Variants in TRDN observed in about 807,000 individuals in gnomAD.
TRDN encodes triadin.
In TRDN, 161 loss-of-function variants were observed where a neutral mutation model predicts 149.7. The observed-to-expected ratio is 1.08, with a 90% confidence interval of 0.95 to 1.23. The LOEUF (loss-of-function observed/expected upper bound fraction) is 1.23, where lower values mean the gene tolerates loss of function less well. Ranked by LOEUF, TRDN falls within the 50% of genes most tolerant of loss-of-function variation. The probability of loss-of-function intolerance (pLI) is 0.00; values close to 1 mark genes in which losing one functional copy is unlikely to be tolerated. For synonymous variants in TRDN, 294 were observed against 250.5 expected (o/e 1.17, Z -1.64); for missense variants, 896 against 823.5 (o/e 1.09, Z -1.08).
chr6:123,523,004 G>C (rs140215331), intron 5 of TRDN, among the ~76,000 whole-genome samples: 160 of 152,166 alleles, frequency 1.1e-3, no homozygotes, highest in African/African-American at 3.7e-3. Context: ...GACAAACATA[G>C]TTCCCTCCCT....
At chr6:123,561,740 CA>C (rs769552394) in intron 2 of TRDN, among the ~76,000 whole-genome samples, 8 of 152,032 alleles carry the variant, frequency 5.3e-5, no homozygotes, top group Non-Finnish European at 8.8e-5. Flanking sequence ...CTAACAACCC[CA>C]CAATATCACC....
At chr6:123,224,235 C>A in intron 38 of TRDN, 104 bp from the exon 39 acceptor site, 5 of 1,090,460 alleles carry the variant, frequency 4.6e-6, no homozygotes, top group Non-Finnish European at 6.8e-6. Flanking sequence ...ATCCCTGAAT[C>A]TACAAACTCA....
intron 24 of TRDN, among the ~76,000 whole-genome samples, chr6:123,279,725 T>TA (rs1777516880): frequency 6.6e-6 from 1 of 152,128 alleles, no homozygotes; most frequent in African/African-American, 2.4e-5. Flanking sequence ...TTTCCAAGAC[T>TA]AATGAACATA....
chr6:123,308,828 C>T (rs1393344686), intron 24 of TRDN, among the ~76,000 whole-genome samples: 1 of 151,974 alleles, frequency 6.6e-6, no homozygotes, highest in East Asian at 1.9e-4. Context: ...CTGTTTAAAG[C>T]ACAAGTACTC....
chr6:123,286,348 A>G (rs1273206966), intron 24 of TRDN, among the ~76,000 whole-genome samples: 1 of 152,112 alleles, frequency 6.6e-6, no homozygotes, highest in East Asian at 1.9e-4. Context: ...ACTCAGACAT[A>G]AAAAGGAACG....
At chr6:123,307,633 T>C (rs1778661362) in intron 24 of TRDN, among the ~76,000 whole-genome samples, 1 of 151,996 alleles carries the variant, frequency 6.6e-6, no homozygotes, top group South Asian at 2.1e-4. Flanking sequence ...TGGTAATATG[T>C]ATTGGCTTTG....
chr6:123,364,923 C>T (rs1328822162), intron 20 of TRDN, among the ~76,000 whole-genome samples: 1 of 152,096 alleles, frequency 6.6e-6, no homozygotes, highest in Non-Finnish European at 1.5e-5. Context: ...CAAGTTTAAC[C>T]CACATTTCAC....
intron 1 of TRDN, among the ~76,000 whole-genome samples, chr6:123,617,344 A>G (rs931933161): frequency 3.3e-5 from 5 of 152,222 alleles, no homozygotes; most frequent in African/African-American, 4.8e-5. Flanking sequence ...CATTGATTAT[A>G]GAACAAGTCA....
At chr6:123,434,351 G>T (rs934473159) in intron 12 of TRDN, among the ~76,000 whole-genome samples, 1 of 152,140 alleles carries the variant, frequency 6.6e-6, no homozygotes, top group African/African-American at 2.4e-5. Context: ...CCACCAGACT[G>T]AAAGCAGAAA....
chr6:123,472,323 CA>C (rs1777204742), intron 9 of TRDN, among the ~76,000 whole-genome samples: 1 of 152,208 alleles, frequency 6.6e-6, no homozygotes, highest in Non-Finnish European at 1.5e-5. Flanking sequence ...GGGTGACGGA[CA>C]GCACCTGGAA....
intron 9 of TRDN, among the ~76,000 whole-genome samples, chr6:123,495,468 G>A (rs946369772): frequency 3.3e-5 from 5 of 151,276 alleles, no homozygotes; most frequent in African/African-American, 9.7e-5. Context: ...GCAGTGAGCC[G>A]AGATCACACC....
chr6:123,320,306 A>T (rs2873534), intron 23 of TRDN, among the ~76,000 whole-genome samples: 70,252 of 151,322 alleles, frequency 0.46, 18,480 homozygotes, highest in Non-Finnish European at 0.6. Context: ...TATTTTATTG[A>T]TATAATATTA....
intron 12 of TRDN, among the ~76,000 whole-genome samples, chr6:123,417,339 C>CAAATT (rs1491459822): frequency 3.3e-5 from 5 of 152,148 alleles, no homozygotes; most frequent in African/African-American, 1.2e-4. Flanking sequence ...TTACCAAAAT[C>CAAATT]ACAGAGTGCA....
At chr6:123,246,784 A>G (rs1776197398) in intron 38 of TRDN, among the ~76,000 whole-genome samples, 1 of 125,672 alleles carries the variant, frequency 8.0e-6, no homozygotes. Flanking sequence ...TGGCAGAGAC[A>G]TAACAGAAAA....
intron 23 of TRDN, among the ~76,000 whole-genome samples, chr6:123,319,296 A>G (rs1480926289): frequency 1.3e-5 from 2 of 151,940 alleles, no homozygotes; most frequent in African/African-American, 4.8e-5. Context: ...GAAAGTGGCA[A>G]CGGATTTTCT....
chr6:123,343,321 CAAT>C (rs1780132319), intron 21 of TRDN, among the ~76,000 whole-genome samples: 1 of 151,796 alleles, frequency 6.6e-6, no homozygotes, highest in Admixed American at 6.6e-5. Flanking sequence ...ATTTCTATAA[CAAT>C]GTTATTCATT....
chr6:123,522,614 C>T (rs1226193688), intron 5 of TRDN, among the ~76,000 whole-genome samples: 1 of 140,050 alleles, frequency 7.1e-6, no homozygotes, highest in African/African-American at 2.6e-5. Flanking sequence ...TTTCAGATTA[C>T]ATATTACAGA....
chr6:123,255,917 C>T lies in TRDN; in HGVS notation c.1871-15G>A, dbSNP rs59935057. The T allele has an allele frequency of 3.2e-3, 4,054 of 1,264,438 alleles. 106 individuals are homozygous for T. The East Asian group carries it at 0.071, about 22-fold the overall frequency. 78.3% of individuals were successfully genotyped at this position (1,264,438 alleles called of 1,614,324 possible). Reference sequence around the variant, plus strand: ...GTCTGCTTTTTCTGTATAGAAGAAACAGTAACAGGGTAATTTATTTTTTTA... The same window carrying T: ...GTCTGCTTTTTCTGTATAGAAGAAATAGTAACAGGGTAATTTATTTTTTTA... On this transcript the variant is annotated splice_polypyrimidine_tract_variant and intron_variant, in intron 35 of 40. Coordinates refer to ENST00000334268, the MANE Select transcript of TRDN (RefSeq NM_006073.4).
intron 10 of TRDN, among the ~76,000 whole-genome samples, chr6:123,453,088 T>C (rs1447737368): frequency 1.3e-5 from 2 of 152,180 alleles, no homozygotes; most frequent in Non-Finnish European, 2.9e-5. Context: ...TCTCACCTTA[T>C]ACAGAAATCA....
Sources: gnomAD v4.1 joint callset for allele counts (sites outside exome capture counted in the v4.1 genomes callset) on GRCh38, gnomAD v4.1.1 for gene constraint, MANE v1.5 for transcripts, NCBI Gene and HGNC (gene_info 2026-07-23, HGNC 2026-07-21) for gene names.